The following POU2F1 variants were observed in gnomAD, a reference collection of about 807,000 sequenced individuals.
The protein encoded by POU2F1 is POU domain, class 2, transcription factor 1.
A neutral mutation model predicts 84.9 loss-of-function variants in POU2F1; 16 were observed. That is an observed-to-expected ratio of 0.19 (90% confidence interval 0.13 to 0.29). The LOEUF is 0.29. Ranked by LOEUF, POU2F1 falls within the 10% of genes least tolerant of loss-of-function variation. The probability of loss-of-function intolerance (pLI) is 1.00; values close to 1 mark genes in which losing one functional copy is unlikely to be tolerated. For missense variants in POU2F1, 738 were observed against 942.6 expected, an observed-to-expected ratio of 0.78 and a Z score of 2.84; for synonymous variants, 368 against 368.3, an observed-to-expected ratio of 1.00 and a Z score of 0.01.
chr1:167,346,940 T>G (rs946923128), intron 2 of POU2F1, among the ~76,000 whole-genome samples: 2 of 152,220 alleles, frequency 1.3e-5, no homozygotes, highest in Non-Finnish European at 2.9e-5. Flanking sequence ...GCAGCTCAGA[T>G]GGAAGAAACG....
chr1:167,362,864 A>G (rs568744650), intron 2 of POU2F1, among the ~76,000 whole-genome samples: 1 of 152,212 alleles, frequency 6.6e-6, no homozygotes, highest in African/African-American at 2.4e-5. Context: ...GTATAGCTCT[A>G]GATTGGTTAG....
intron 1 of POU2F1, among the ~76,000 whole-genome samples, 189 bp downstream of exon 1, chr1:167,221,147 A>AGGCGGAGGGGGAAGACAAGG (rs1648101653): frequency 6.7e-6 from 1 of 150,354 alleles, no homozygotes; most frequent in African/African-American, 2.5e-5. Flanking sequence ...CGGAGCGGCC[A>AGGCGGAGGGGGAAGACAAGG]GGCGGAGGGG....
chr1:167,419,789 C>T lies in POU2F1; in HGVS notation c.*3979C>T, dbSNP rs1650533132. On this transcript the variant is annotated 3_prime_UTR_variant, in exon 16 of 16. Coordinates refer to ENST00000367866, the MANE Select transcript of POU2F1 (RefSeq NM_002697.4). ...CAACTTGTTACCCAAGAAATGGAAC[C>T]AAAGGAATCCAACTTTCATTTTGTG... The T allele has an allele frequency of 6.6e-6, 1 of 152,086 alleles. No homozygotes were observed. Among genetic ancestry groups the T allele is most frequent in the Non-Finnish European group, 1.5e-5 (1 of 68,002 alleles). 9.4% of individuals were successfully genotyped at this position (152,086 alleles called of 1,614,324 possible). A position where few individuals can be genotyped will look rare whatever the true frequency, so the allele number is the denominator to read the frequency against.
chr1:167,264,649 G>T (rs1047324596), intron 1 of POU2F1, among the ~76,000 whole-genome samples: 1 of 152,018 alleles, frequency 6.6e-6, no homozygotes, highest in African/African-American at 2.4e-5. Context: ...CTCCACCCTG[G>T]TATAAATCTC....
intron 7 of POU2F1, among the ~76,000 whole-genome samples, chr1:167,381,784 A>G (rs1230497526): frequency 3.3e-5 from 5 of 150,856 alleles, no homozygotes; most frequent in African/African-American, 7.3e-5. Flanking sequence ...TAATTTTTGT[A>G]TTTTTAGTAG....
chr1:167,357,022 G>A (rs1225237114), intron 2 of POU2F1, among the ~76,000 whole-genome samples: 4 of 152,040 alleles, frequency 2.6e-5, no homozygotes, highest in African/African-American at 9.7e-5. Context: ...CTTCTCCCTG[G>A]TCCCTGCCTT....
chr1:167,281,775 CTTGGT>C (rs373589549), intron 1 of POU2F1, among the ~76,000 whole-genome samples: 256 of 152,332 alleles, frequency 1.7e-3, no homozygotes, highest in African/African-American at 5.9e-3. Flanking sequence ...TTAGGCTAAA[CTTGGT>C]TTAACAGTAG....
chr1:167,396,527 T>C, intron 10 of POU2F1, 100 bp downstream of exon 10: 1 of 1,240,314 alleles, frequency 8.1e-7, no homozygotes, highest in South Asian at 1.5e-5. Flanking sequence ...ATTTTTGTTG[T>C]TACAGAACCT....
Position 167,357,065 on chromosome 1 carries a change from A to G in POU2F1, c.128-8402A>G, listed in dbSNP as rs915740293. On this transcript the variant is annotated intron_variant, in intron 2 of 15. Coordinates refer to ENST00000367866, the MANE Select transcript of POU2F1 (RefSeq NM_002697.4). ...CACTTTAGCACAACAGGTGTGGACCATTAGGAAATGGCCTTTCCCTGAAGC... is the reference window on the plus strand; with the variant it reads ...CACTTTAGCACAACAGGTGTGGACCGTTAGGAAATGGCCTTTCCCTGAAGC... Among the ~76,000 whole-genome samples, 5 of 152,264 alleles carry G rather than the reference A, an allele frequency of 3.3e-5. 1 individual carries two copies. The highest frequency in any genetic ancestry group is 1.2e-4 in the African/African-American group (5 of 41,560).
intron 1 of POU2F1, among the ~76,000 whole-genome samples, chr1:167,264,062 C>T (rs1334006719): frequency 6.6e-6 from 1 of 152,074 alleles, no homozygotes; most frequent in Non-Finnish European, 1.5e-5. Context: ...AAATATTAAC[C>T]ACTATATATA....
intron 1 of POU2F1, among the ~76,000 whole-genome samples, chr1:167,324,300 G>A (rs952136224): frequency 4.7e-5 from 6 of 128,248 alleles, no homozygotes; most frequent in East Asian, 1.9e-4. Flanking sequence ...AGAACACATC[G>A]CAATACATTT....
intron 1 of POU2F1, among the ~76,000 whole-genome samples, chr1:167,286,288 G>A (rs1653519907): frequency 6.6e-6 from 1 of 152,004 alleles, no homozygotes; most frequent in Non-Finnish European, 1.5e-5. Context: ...CATCCTTCAT[G>A]TCAAATCAGA....
chr1:167,352,088 G>A (rs74660740), intron 2 of POU2F1, among the ~76,000 whole-genome samples: 5,199 of 152,222 alleles, frequency 0.034, 116 homozygotes, highest in Non-Finnish European at 0.051. Flanking sequence ...TTGAAAGGAT[G>A]CCCATTTTAG....
chr1:167,307,891 T>A (rs991262569), intron 1 of POU2F1, among the ~76,000 whole-genome samples: 1 of 152,158 alleles, frequency 6.6e-6, no homozygotes, highest in Non-Finnish European at 1.5e-5. Context: ...TCTTTTTGAT[T>A]TCTAGGGTCA....
intron 1 of POU2F1, among the ~76,000 whole-genome samples, chr1:167,296,791 ACTAT>A (rs757112204): frequency 2.6e-5 from 4 of 152,228 alleles, no homozygotes; most frequent in Non-Finnish European, 4.4e-5. Flanking sequence ...CATATCTGTA[ACTAT>A]CCAGCATATT....
chr1:167,343,586 A>G (rs550976579), intron 2 of POU2F1, among the ~76,000 whole-genome samples: 25 of 145,624 alleles, frequency 1.7e-4, no homozygotes, highest in Middle Eastern at 4.0e-3. Flanking sequence ...TAGATCCATT[A>G]TATAACATCC....
intron 1 of POU2F1, among the ~76,000 whole-genome samples, chr1:167,221,678 C>A (rs1203515735): frequency 6.6e-6 from 1 of 151,038 alleles, no homozygotes; most frequent in African/African-American, 2.4e-5. Context: ...CCAGGCACTT[C>A]GGCCTCGCCC....
rs758058556 is a variant in POU2F1, at chr1:167,399,330, C to T, written c.1414C>T (p.Pro472Ser). 6.2e-7 allele frequency: 1 copy of T among 1,613,414 alleles called. No homozygotes were observed. Among genetic ancestry groups the T allele is most frequent in the South Asian group, 1.1e-5 (1 of 90,906 alleles). ...PPSSGGTSSS[P>S]IKAIFPSPTS... is the part of the protein sequence containing the mutation. Reference sequence around the variant, plus strand: ...AAGCAGTGGTGGGACCAGCAGCTCACCTATTAAAGCAATTTTCCCCAGCCC... The same window carrying T: ...AAGCAGTGGTGGGACCAGCAGCTCATCTATTAAAGCAATTTTCCCCAGCCC... The change falls in exon 12 of 16, where the codon CCT (proline) becomes TCT (serine). Residue 472 changes from proline (P) to serine (S), a missense_variant. Physicochemically the swap from Pro to Ser is moderately conservative, Grantham distance 74 (BLOSUM62 -1). Coordinates refer to ENST00000367866, the MANE Select transcript of POU2F1 (RefSeq NM_002697.4).
intron 7 of POU2F1, 138 bp from the exon 8 acceptor site, chr1:167,383,719 T>A: frequency 1.5e-6 from 1 of 647,106 alleles, no homozygotes; most frequent in East Asian, 2.9e-5. Context: ...GCAAATAAGA[T>A]AAATAAGAGT....
Sources: allele counts gnomAD v4.1 joint callset (sites outside exome capture counted in the v4.1 genomes callset), GRCh38; gene constraint gnomAD v4.1.1; transcripts MANE v1.5; gene names NCBI Gene and HGNC (gene_info 2026-07-23, HGNC 2026-07-21).